ARHGAP15: variants seen among roughly 807,000 people sequenced by gnomAD.
The protein encoded by ARHGAP15 is Rho GTPase activating protein 15.
Under a neutral mutation model 63.7 loss-of-function variants are expected in ARHGAP15, and 51 were observed. The ratio of observed to expected loss-of-function variants is 0.80; its 90% CI spans 0.64 to 1.01. The LOEUF is 1.01. Among genes scored for constraint, ARHGAP15 ranks in the 50% least tolerant of loss-of-function variants. The pLI is 0.00. For missense variants in ARHGAP15, 560 were observed against 564.6 expected, an observed-to-expected ratio of 0.99 and a Z score of 0.08; for synonymous variants, 191 against 193.8, an observed-to-expected ratio of 0.99 and a Z score of 0.12.
At chr2:143,250,675 C>T (rs759651222) in intron 6 of ARHGAP15, 75 bp downstream of exon 6, 7 of 1,233,898 alleles carry the variant, frequency 5.7e-6, no homozygotes, top group Non-Finnish European at 7.0e-6. Flanking sequence ...TAAAATAAGA[C>T]TACCTTCTTG....
chr2:143,317,406 C>T (rs1300086121), intron 6 of ARHGAP15, among the ~76,000 whole-genome samples: 1 of 152,126 alleles, frequency 6.6e-6, no homozygotes, highest in African/African-American at 2.4e-5. Context: ...GAAATAAATA[C>T]ATGAATAAAC....
chr2:143,582,001 T>C (rs1372671912), intron 11 of ARHGAP15, among the ~76,000 whole-genome samples: 1 of 152,174 alleles, frequency 6.6e-6, no homozygotes, highest in Non-Finnish European at 1.5e-5. Flanking sequence ...TTATTTCAAG[T>C]GTCTATGATG....
chr2:143,190,191 T>C (rs1691625231), intron 2 of ARHGAP15, among the ~76,000 whole-genome samples: 1 of 152,234 alleles, frequency 6.6e-6, no homozygotes, highest in Non-Finnish European at 1.5e-5. Flanking sequence ...AAGTAGTTAA[T>C]TTATAGTAAC....
chr2:143,232,796 T>C (rs1013830988), intron 5 of ARHGAP15, among the ~76,000 whole-genome samples: 1 of 152,194 alleles, frequency 6.6e-6, no homozygotes, highest in African/African-American at 2.4e-5. Context: ...ATTTAGGTGT[T>C]TTTTAATTCA....
At chr2:143,159,590 C>T (rs746034420) in intron 2 of ARHGAP15, among the ~76,000 whole-genome samples, 1 of 151,890 alleles carries the variant, frequency 6.6e-6, no homozygotes, top group Non-Finnish European at 1.5e-5. Flanking sequence ...GCAAAAATAG[C>T]GCTGCTTGGA....
intron 10 of ARHGAP15, among the ~76,000 whole-genome samples, chr2:143,525,868 G>T (rs1204927338): frequency 6.6e-6 from 1 of 152,170 alleles, no homozygotes; most frequent in East Asian, 1.9e-4. Context: ...AGATGACAAG[G>T]TGGAGAGGCG....
chr2:143,592,405 C>T (rs79933106), intron 11 of ARHGAP15, among the ~76,000 whole-genome samples: 4,002 of 152,280 alleles, frequency 0.026, 91 homozygotes, highest in South Asian at 0.058. Flanking sequence ...TTGTGTCGTT[C>T]TGTAAGAAAC....
intron 6 of ARHGAP15, among the ~76,000 whole-genome samples, chr2:143,266,711 A>C (rs1434754525): frequency 6.6e-6 from 1 of 152,150 alleles, no homozygotes; most frequent in Non-Finnish European, 1.5e-5. Flanking sequence ...GTATGGACAA[A>C]ATTCTTATGC....
intron 12 of ARHGAP15, among the ~76,000 whole-genome samples, chr2:143,701,211 G>A (rs1486915602): frequency 6.6e-6 from 1 of 152,152 alleles, no homozygotes; most frequent in Non-Finnish European, 1.5e-5. Flanking sequence ...ACCATCTTCT[G>A]CAGGATATTT....
intron 1 of ARHGAP15, among the ~76,000 whole-genome samples, chr2:143,133,330 G>T (rs1374579607): frequency 6.6e-6 from 1 of 152,182 alleles, no homozygotes; most frequent in Non-Finnish European, 1.5e-5. Flanking sequence ...TAAGAGGTAG[G>T]CCAGAAAGAT....
intron 12 of ARHGAP15, among the ~76,000 whole-genome samples, chr2:143,655,960 T>C (rs1175882369): frequency 6.6e-6 from 1 of 152,254 alleles, no homozygotes; most frequent in Non-Finnish European, 1.5e-5. Context: ...TTAGCTTCTA[T>C]GCAGTATGTG....
intron 12 of ARHGAP15, among the ~76,000 whole-genome samples, chr2:143,627,651 T>C (rs995379296): frequency 9.2e-5 from 14 of 152,152 alleles, no homozygotes. Flanking sequence ...TTTTCGGCTT[T>C]ATATGGAAAG....
At chr2:143,181,649 C>T (rs1419228119) in intron 2 of ARHGAP15, among the ~76,000 whole-genome samples, 1 of 152,220 alleles carries the variant, frequency 6.6e-6, no homozygotes, top group East Asian at 1.9e-4. Context: ...TTCCACCTCT[C>T]TCAGCCTTCA....
chr2:143,766,911 C>G (rs970367338), intron 13 of ARHGAP15: 8 of 152,108 alleles, frequency 5.3e-5, no homozygotes, highest in African/African-American at 1.9e-4. Context: ...ATATGTAGGC[C>G]CACTTAGGCC....
chr2:143,614,782 A>G (rs1271356332), intron 11 of ARHGAP15, among the ~76,000 whole-genome samples: 1 of 152,228 alleles, frequency 6.6e-6, no homozygotes, highest in African/African-American at 2.4e-5. Context: ...TGGGGTTCTC[A>G]GGCTAGGATT....
At chr2:143,306,966 A>C (rs543125542) in intron 6 of ARHGAP15, among the ~76,000 whole-genome samples, 1 of 152,090 alleles carries the variant, frequency 6.6e-6, no homozygotes, top group Non-Finnish European at 1.5e-5. Flanking sequence ...CGAAGTTGCT[A>C]TGAAGTCGTC....
intron 11 of ARHGAP15, among the ~76,000 whole-genome samples, chr2:143,582,415 C>T (rs563574866): frequency 6.6e-6 from 1 of 152,234 alleles, no homozygotes; most frequent in South Asian, 2.1e-4. Flanking sequence ...TAGATGCAGA[C>T]TCTGTGCTTT....
At chr2:143,444,704 A>G (rs1270997002) in intron 8 of ARHGAP15, among the ~76,000 whole-genome samples, 1 of 152,164 alleles carries the variant, frequency 6.6e-6, no homozygotes, top group African/African-American at 2.4e-5. Context: ...TTGTTAACAC[A>G]TGGAATCTTT....
chr2:143,512,360 C>T (rs557494768), intron 9 of ARHGAP15, among the ~76,000 whole-genome samples: 17 of 152,186 alleles, frequency 1.1e-4, no homozygotes, highest in Non-Finnish European at 1.9e-4. Context: ...AATGCATATT[C>T]GTCACTGGAG....
Sources: allele counts gnomAD v4.1 joint callset (sites outside exome capture counted in the v4.1 genomes callset), GRCh38; gene constraint gnomAD v4.1.1; transcripts MANE v1.5; gene names NCBI Gene and HGNC (gene_info 2026-07-23, HGNC 2026-07-21).